The following INSL6 variants were observed in gnomAD, a reference collection of about 807,000 sequenced individuals.
INSL6 encodes insulin like 6.
Under a neutral mutation model 9.4 loss-of-function variants are expected in INSL6, and 16 were observed. The observed-to-expected ratio is 1.70, with a 90% CI of 1.15 to 2.59. The LOEUF is 2.59. Ranked by LOEUF, INSL6 falls within the 30% of genes most tolerant of loss-of-function variation. The pLI is 0.00. For missense variants in INSL6, 391 were observed against 257.3 expected, an observed-to-expected ratio of 1.52 and a Z score of -3.56; for synonymous variants, 154 against 96.9, an observed-to-expected ratio of 1.59 and a Z score of -3.46.
At chr9:5,085,797 G>A in the INSL6 span, 2 of 755,626 alleles carry the variant, frequency 2.6e-6, no homozygotes, top group Non-Finnish European at 5.0e-6. Context: ...ACATGCTCGG[G>A]CCATTAGTAC....
chr9:5,174,305 A>C (rs964134268), intron 1 of INSL6, among the ~76,000 whole-genome samples: 2 of 152,114 alleles, frequency 1.3e-5, no homozygotes, highest in African/African-American at 4.8e-5. Flanking sequence ...ATATTTACTA[A>C]TTTGTTCCTC....
chr9:5,144,726 A>T (rs1320833259), intron 2 of INSL6, among the ~76,000 whole-genome samples: 1 of 152,212 alleles, frequency 6.6e-6, no homozygotes, highest in Non-Finnish European at 1.5e-5. Context: ...ACCATTATGT[A>T]ATACCCCTGT....
At chr9:5,140,954 A>T (rs999176697) in intron 2 of INSL6, among the ~76,000 whole-genome samples, 1 of 152,074 alleles carries the variant, frequency 6.6e-6, no homozygotes, top group Non-Finnish European at 1.5e-5. Context: ...AACTGAGAAC[A>T]TGCGGTATAT....
chr9:5,036,433 A>C, the INSL6 span, among the ~76,000 whole-genome samples: 1 of 152,156 alleles, frequency 6.6e-6, no homozygotes, highest in Admixed American at 6.5e-5. Context: ...ATCCTAAGCC[A>C]AAAGAACAAA....
the INSL6 span, chr9:5,041,941 C>A: frequency 5.2e-6 from 2 of 385,102 alleles, no homozygotes; most frequent in African/African-American, 2.1e-5. Flanking sequence ...CTGTTTCTTC[C>A]CCCTGAATCT....
chr9:5,006,508 A>C, the INSL6 span, among the ~76,000 whole-genome samples: 1 of 152,184 alleles, frequency 6.6e-6, no homozygotes, highest in Non-Finnish European at 1.5e-5. Flanking sequence ...GTTTTTAAAG[A>C]AAAGTTGTTT....
chr9:5,081,788 C>T, the INSL6 span: 1 of 1,610,160 alleles, frequency 6.2e-7, no homozygotes, highest in Non-Finnish European at 8.5e-7. Flanking sequence ...CTGGGGTTTT[C>T]TGGTGCCTTT....
chr9:5,176,178 G>C (rs531480640), intron 1 of INSL6, among the ~76,000 whole-genome samples: 1 of 152,142 alleles, frequency 6.6e-6, no homozygotes, highest in Admixed American at 6.5e-5. Context: ...AAGGGCCTCT[G>C]CTCCACTATT....
the INSL6 span, among the ~76,000 whole-genome samples, chr9:5,028,644 G>T: frequency 6.6e-6 from 1 of 152,172 alleles, no homozygotes; most frequent in African/African-American, 2.4e-5. Context: ...GTTTATCAGT[G>T]ATCTTTGTTA....
chr9:5,183,616 C>G (rs1186780469), intron 1 of INSL6, among the ~76,000 whole-genome samples: 1 of 152,106 alleles, frequency 6.6e-6, no homozygotes, highest in African/African-American at 2.4e-5. Flanking sequence ...CAGCCTCAAG[C>G]TTGGAGGTCT....
chr9:5,117,078 C>A, the INSL6 span, among the ~76,000 whole-genome samples: 1 of 152,214 alleles, frequency 6.6e-6, no homozygotes, highest in Non-Finnish European at 1.5e-5. Flanking sequence ...TGTGAGGACA[C>A]GGCATTCCTC....
At chr9:5,179,925 G>A (rs1216627561) in intron 1 of INSL6, among the ~76,000 whole-genome samples, 2 of 152,176 alleles carry the variant, frequency 1.3e-5, no homozygotes, top group Admixed American at 1.3e-4. Context: ...AGGATGATCT[G>A]TGCAGCAAAC....
At chr9:5,178,927 A>G (rs1205880157) in intron 1 of INSL6, among the ~76,000 whole-genome samples, 1 of 152,188 alleles carries the variant, frequency 6.6e-6, no homozygotes, top group East Asian at 1.9e-4. Flanking sequence ...AATCTAGGCA[A>G]TAGCATTCAA....
At chr9:5,116,063 T>TAA in the INSL6 span, among the ~76,000 whole-genome samples, 1 of 150,538 alleles carries the variant, frequency 6.6e-6, no homozygotes. Context: ...ATAATAAAAT[T>TAA]TAAAAAAAAA....
the INSL6 span, among the ~76,000 whole-genome samples, chr9:5,045,027 T>A: frequency 6.6e-6 from 1 of 152,244 alleles, no homozygotes; most frequent in Non-Finnish European, 1.5e-5. Context: ...TTCAAGTTAT[T>A]TGTTCACTAA....
the INSL6 span, among the ~76,000 whole-genome samples, chr9:5,065,394 G>A: frequency 2.6e-5 from 4 of 152,114 alleles, no homozygotes; most frequent in Admixed American, 6.5e-5. Context: ...AATTCTTTAT[G>A]TTTGGATAGT....
At chr9:5,054,764 A>T in the INSL6 span, 1 of 1,613,326 alleles carries the variant, frequency 6.2e-7, no homozygotes, top group East Asian at 2.2e-5. The surrounding 1 kb of genome is among the most constrained non-coding windows in gnomAD (Gnocchi z 4.9). Context: ...AATTTGAAGT[A>T]AAAGAACCTG....
At chr9:5,142,369 C>A (rs962452095) in intron 2 of INSL6, among the ~76,000 whole-genome samples, 2 of 152,108 alleles carry the variant, frequency 1.3e-5, no homozygotes, top group African/African-American at 4.8e-5. Flanking sequence ...TCCATTTGTT[C>A]ATGTCATCTC....
chr9:5,083,926 A>G, the INSL6 span, among the ~76,000 whole-genome samples: 3 of 152,244 alleles, frequency 2.0e-5, no homozygotes, highest in East Asian at 1.9e-4. Flanking sequence ...ATACAATTCT[A>G]TATCTTGCTA....
Sources: allele counts gnomAD v4.1 joint callset (sites outside exome capture counted in the v4.1 genomes callset), GRCh38; gene constraint gnomAD v4.1.1; non-coding constraint Gnocchi (gnomAD v3.1); transcripts MANE v1.5; gene names NCBI Gene and HGNC (gene_info 2026-07-23, HGNC 2026-07-21).